LONP2: variants seen among roughly 807,000 people sequenced by gnomAD.
The protein encoded by LONP2 is lon peptidase 2, peroxisomal.
A neutral mutation model predicts 85.6 loss-of-function variants in LONP2; 60 were observed. The ratio of observed to expected loss-of-function variants is 0.70; its 90% CI spans 0.57 to 0.87. The LOEUF is 0.87. LONP2 is among the 40% of genes least tolerant of loss of function. LONP2 has a pLI of 0.00. For synonymous variants in LONP2, 395 were observed against 389.7 expected, an observed-to-expected ratio of 1.01 and a Z score of -0.16; for missense variants, 860 against 1,063.5, an observed-to-expected ratio of 0.81 and a Z score of 2.66.
In LONP2 at chr16:48,331,846, G is replaced by A. The variant is rs143144226; in HGVS notation, c.1796-2370G>A. On this transcript the variant is annotated intron_variant, in intron 11 of 14. Coordinates refer to ENST00000285737, the MANE Select transcript of LONP2 (RefSeq NM_031490.5). ...CCCAAAGTGCTGGGATTACAGGCGTGAGCCACCACGCCTGGCCAGGATTTT... is the reference window on the plus strand; with the variant it reads ...CCCAAAGTGCTGGGATTACAGGCGTAAGCCACCACGCCTGGCCAGGATTTT... 5.5e-3 allele frequency among the ~76,000 whole-genome samples: 842 copies of A among 152,336 alleles called. 6 individuals are homozygous for A. The highest frequency in any genetic ancestry group is 0.019 in the African/African-American group (791 of 41,574).
downstream of LONP2, among the ~76,000 whole-genome samples, chr16:48,359,450 C>A (rs375223046): frequency 6.6e-6 from 1 of 152,130 alleles, no homozygotes; most frequent in Non-Finnish European, 1.5e-5. Flanking sequence ...CAAGGCCGGG[C>A]GCGGTGGCTC....
At chr16:48,276,530 G>A (rs992889420) in intron 7 of LONP2, among the ~76,000 whole-genome samples, 1 of 152,148 alleles carries the variant, frequency 6.6e-6, no homozygotes, top group African/African-American at 2.4e-5. Flanking sequence ...TTGTAAAAAA[G>A]ACACCTTTTT....
chr16:48,344,643 G>A (rs894677118), intron 12 of LONP2: 3 of 152,218 alleles, frequency 2.0e-5, no homozygotes, highest in African/African-American at 7.2e-5. Flanking sequence ...GGCTGGGCAT[G>A]GTGGCTCATG....
chr16:48,348,013 T>C, intron 13 of LONP2, 87 bp from the exon 14 acceptor site: 2 of 1,238,798 alleles, frequency 1.6e-6, no homozygotes, highest in South Asian at 2.7e-5. Flanking sequence ...ACCCAAAACA[T>C]TCATTTTTGT....
intron 10 of LONP2, among the ~76,000 whole-genome samples, chr16:48,302,867 T>C (rs959174546): frequency 6.6e-6 from 1 of 152,218 alleles, no homozygotes; most frequent in African/African-American, 2.4e-5. Context: ...GAGGAGTAAA[T>C]GGTTTTTTAT....
chr16:48,285,181 CTG>C (rs1972412901), intron 8 of LONP2, among the ~76,000 whole-genome samples: 1 of 151,914 alleles, frequency 6.6e-6, no homozygotes, highest in Non-Finnish European at 1.5e-5. Context: ...TTTCTGGTCT[CTG>C]TGGTTTCTGC....
At chr16:48,278,831 A>T (rs912361719) in intron 8 of LONP2, among the ~76,000 whole-genome samples, 2 of 151,982 alleles carry the variant, frequency 1.3e-5, no homozygotes, top group Admixed American at 6.6e-5. Context: ...AAATTCTTTT[A>T]TTGATGACTT....
At chr16:48,249,570 T>C (rs190895907) in intron 1 of LONP2, among the ~76,000 whole-genome samples, 3 of 152,332 alleles carry the variant, frequency 2.0e-5, no homozygotes, top group Non-Finnish European at 1.5e-5. Context: ...CATAGATGTT[T>C]TTCTTTAAAA....
At chr16:48,359,950 A>T (rs1960516546), downstream of LONP2, among the ~76,000 whole-genome samples, 1 of 152,260 alleles carries the variant, frequency 6.6e-6, no homozygotes, top group Admixed American at 6.5e-5. Flanking sequence ...AGGCAATTTC[A>T]GAATCTTGCC....
downstream of LONP2, chr16:48,362,112 T>C (rs1960618465): frequency 6.2e-7 from 1 of 1,614,054 alleles, no homozygotes. The surrounding 1 kb of genome is among the most constrained non-coding windows in gnomAD (Gnocchi z 4.2). Context: ...CAGAGTTATT[T>C]CACATCCAGA....
Position 48,347,510 on chromosome 16 carries a change from T to A in LONP2, c.1942T>A (p.Ser648Thr), listed in dbSNP as rs1194956000. 2 of 1,614,082 alleles carry A rather than the reference T, an allele frequency of 1.2e-6. No individual in the cohort carries two copies. The highest frequency in any genetic ancestry group is 1.7e-6 in the Non-Finnish European group (2 of 1,180,022). The stretch of plus-strand genomic sequence containing the variant: ...TGATCATTCTTCTTCTTTCAAGGTA[T>A]CTCAGCGTTTGAGTCAGCCAGGAGT... ...LGPPMYEMEV[S>T]QRLSQPGVAI... The change falls in exon 13 of 15, where the codon TCT (serine) becomes ACT (threonine). Residue 648 changes from serine to threonine, a missense_variant. By Grantham distance (58) the Ser-to-Thr change is moderately conservative. Coordinates refer to ENST00000285737, the MANE Select transcript of LONP2 (RefSeq NM_031490.5).
At chr16:48,300,067 C>G (rs1184955420) in intron 10 of LONP2, among the ~76,000 whole-genome samples, 1 of 152,156 alleles carries the variant, frequency 6.6e-6, no homozygotes, top group Non-Finnish European at 1.5e-5. Flanking sequence ...ATAGCTAAAG[C>G]TGAAATTTAT....
At chr16:48,256,540 G>C in intron 2 of LONP2, 70 bp from the exon 3 acceptor site, 1 of 1,524,394 alleles carries the variant, frequency 6.6e-7, no homozygotes, top group Non-Finnish European at 9.0e-7. Context: ...AACCTAGATG[G>C]AAATCTGATT....
chr16:48,308,955 A>C (rs1331940187), intron 11 of LONP2, among the ~76,000 whole-genome samples: 2 of 152,214 alleles, frequency 1.3e-5, no homozygotes, highest in African/African-American at 4.8e-5. Flanking sequence ...CAACAACAAC[A>C]AAAGAACCCC....
intron 11 of LONP2, among the ~76,000 whole-genome samples, chr16:48,312,460 G>A (rs1181444225): frequency 6.6e-6 from 1 of 151,990 alleles, no homozygotes; most frequent in African/African-American, 2.4e-5. Flanking sequence ...GTTGGGGCAG[G>A]ACTTTCTTTC....
intron 11 of LONP2, among the ~76,000 whole-genome samples, chr16:48,325,648 A>G (rs1379449196): frequency 6.6e-6 from 1 of 152,118 alleles, no homozygotes; most frequent in Non-Finnish European, 1.5e-5. Context: ...CATTTTCTTT[A>G]TCCATTCATC....
At chr16:48,315,415 C>T (rs1445566194) in intron 11 of LONP2, among the ~76,000 whole-genome samples, 3 of 152,118 alleles carry the variant, frequency 2.0e-5, no homozygotes, top group African/African-American at 7.2e-5. Flanking sequence ...CTGAAGAGTC[C>T]AATGTCAAGG....
intron 11 of LONP2, among the ~76,000 whole-genome samples, chr16:48,327,845 A>G (rs930524868): frequency 5.3e-5 from 8 of 152,222 alleles, no homozygotes; most frequent in African/African-American, 1.9e-4. Context: ...TAATAGTGAT[A>G]TATAGTATAG....
intron 11 of LONP2, among the ~76,000 whole-genome samples, chr16:48,319,892 G>C (rs1477126862): frequency 6.6e-6 from 1 of 152,122 alleles, no homozygotes; most frequent in Admixed American, 6.6e-5. Flanking sequence ...GCCAGGCGTG[G>C]TGGCTCACGC....
Sources: gnomAD v4.1 joint callset for allele counts (sites outside exome capture counted in the v4.1 genomes callset) on GRCh38, gnomAD v4.1.1 for gene constraint, Gnocchi (gnomAD v3.1) non-coding constraint, MANE v1.5 for transcripts, NCBI Gene and HGNC (gene_info 2026-07-23, HGNC 2026-07-21) for gene names.